STX19: variants seen among roughly 807,000 people sequenced by gnomAD.
STX19 encodes syntaxin-19.
In STX19, 26 loss-of-function variants were observed where a neutral mutation model predicts 24.3. The observed-to-expected ratio is 1.07, with a 90% CI of 0.78 to 1.48. The LOEUF (loss-of-function observed/expected upper bound fraction) is 1.48. STX19 is among the 40% of genes most tolerant of loss of function. The probability of loss-of-function intolerance (pLI) is 0.00; values close to 1 mark genes in which losing one functional copy is unlikely to be tolerated. For missense variants in STX19, 367 were observed against 331.9 expected, an observed-to-expected ratio of 1.11 and a Z score of -0.82; for synonymous variants, 116 against 106.9, an observed-to-expected ratio of 1.09 and a Z score of -0.52.
intron 1 of STX19, among the ~76,000 whole-genome samples, chr3:94,021,012 A>G (rs1181831730): frequency 6.6e-6 from 1 of 152,056 alleles, no homozygotes; most frequent in Non-Finnish European, 1.5e-5. Flanking sequence ...AGAGCTAACC[A>G]AAGCTAGTGT....
At chr3:94,026,904 G>T (rs1323670875) in intron 1 of STX19, among the ~76,000 whole-genome samples, 1 of 152,018 alleles carries the variant, frequency 6.6e-6, no homozygotes, top group South Asian at 2.1e-4. Context: ...TAATCAACTT[G>T]GACAACTTGT....
chr3:94,026,456 G>A (rs2076559859), intron 1 of STX19, among the ~76,000 whole-genome samples: 1 of 151,994 alleles, frequency 6.6e-6, no homozygotes, highest in Admixed American at 6.6e-5. Context: ...TGACTTGATA[G>A]GTACTCAAAT....
chr3:94,022,406 G>A (rs971846721), intron 1 of STX19, among the ~76,000 whole-genome samples: 1 of 152,168 alleles, frequency 6.6e-6, no homozygotes, highest in Non-Finnish European at 1.5e-5. Flanking sequence ...GATTACAGGT[G>A]TGAGCCACCG....
At chr3:94,025,431 C>T (rs1027968825) in intron 1 of STX19, among the ~76,000 whole-genome samples, 1 of 152,016 alleles carries the variant, frequency 6.6e-6, no homozygotes. Context: ...GGATCCTATG[C>T]CTGTATTTCT....
At chr3:94,018,800 C>G (rs548105117) in intron 1 of STX19, among the ~76,000 whole-genome samples, 1 of 152,294 alleles carries the variant, frequency 6.6e-6, no homozygotes, top group Non-Finnish European at 1.5e-5. Flanking sequence ...GAGTCTCACT[C>G]TGTCCCCTAG....
intron 1 of STX19, among the ~76,000 whole-genome samples, chr3:94,019,008 C>T (rs527699795): frequency 7.7e-4 from 117 of 152,256 alleles, no homozygotes; most frequent in African/African-American, 2.8e-3. Context: ...TCAGGCGATC[C>T]GCCCTCTTCG....
At chr3:94,019,428 C>T (rs938883372) in intron 1 of STX19, among the ~76,000 whole-genome samples, 1 of 152,092 alleles carries the variant, frequency 6.6e-6, no homozygotes, top group Admixed American at 6.5e-5. Flanking sequence ...AACTCTTGAC[C>T]TCATGATCCG....
intron 1 of STX19, among the ~76,000 whole-genome samples, chr3:94,027,105 G>A (rs1576008750): frequency 6.6e-6 from 1 of 151,866 alleles, no homozygotes; most frequent in East Asian, 1.9e-4. Flanking sequence ...CATAGTTACT[G>A]TAATGATTAA....
chr3:94,021,933 C>G (rs1327258177), intron 1 of STX19, among the ~76,000 whole-genome samples: 2 of 151,974 alleles, frequency 1.3e-5, no homozygotes, highest in African/African-American at 4.8e-5. Context: ...GTTAACAAGT[C>G]AAGTCATGTC....
At chr3:94,023,271 C>T (rs1410936144) in intron 1 of STX19, among the ~76,000 whole-genome samples, 1 of 152,072 alleles carries the variant, frequency 6.6e-6, no homozygotes, top group East Asian at 1.9e-4. Context: ...GTTACTACAT[C>T]TTCTAGTTTT....
At chr3:94,018,056 A>G (rs566552780) in intron 1 of STX19, among the ~76,000 whole-genome samples, 20 of 152,274 alleles carry the variant, frequency 1.3e-4, no homozygotes, top group Middle Eastern at 3.4e-3. Context: ...TCATTTTGAT[A>G]TGTAATTTAA....
intron 1 of STX19, among the ~76,000 whole-genome samples, chr3:94,018,310 G>T (rs1240840742): frequency 6.6e-6 from 1 of 151,826 alleles, no homozygotes; most frequent in East Asian, 1.9e-4. Flanking sequence ...GGAGTAAATG[G>T]GAACCATCAG....
chr3:94,025,382 G>C lies in STX19; in HGVS notation c.-14+2985C>G, dbSNP rs1473598427. Among the ~76,000 whole-genome samples, 4 of 152,162 alleles carry C rather than the reference G, an allele frequency of 2.6e-5. No homozygotes were observed. The East Asian group carries it at 7.7e-4, about 29-fold the overall frequency. On this transcript the variant is annotated intron_variant, in intron 1 of 1. Coordinates refer to ENST00000315099, the MANE Select transcript of STX19 (RefSeq NM_001001850.3). ...GCGTATTATGTAAACGATGTTTAAAGTGAGCTATAAAGGTTATACTGTGTT... is the reference window on the plus strand; with the variant it reads ...GCGTATTATGTAAACGATGTTTAAACTGAGCTATAAAGGTTATACTGTGTT...
chr3:94,027,552 T>C (rs536222232), intron 1 of STX19, among the ~76,000 whole-genome samples: 2 of 152,208 alleles, frequency 1.3e-5, no homozygotes, highest in East Asian at 1.9e-4. Context: ...GTGAAGATAA[T>C]GTGTTCGAGG....
Position 94,015,146 on chromosome 3 carries a change from C to G in STX19, c.124G>C (p.Glu42Gln). The change falls in exon 2 of 2, where the codon GAA becomes CAA. Residue 42 changes from glutamate to glutamine, a missense_variant. Transcript: ENST00000315099. ...TGTCTCTCAGCTACAGGCTCTCTTT[C>G]ATAAATAACAGCTTGCTGTAGAAAC... Reference protein sequence around the residue: ...GVFLQQAVIYEREPVAERHLH... With the variant: ...GVFLQQAVIYQREPVAERHLH... The G allele has an allele frequency of 6.2e-7, 1 of 1,613,982 alleles. No homozygotes were observed. The highest frequency in any genetic ancestry group is 8.5e-7 in the Non-Finnish European group (1 of 1,179,928).
In STX19 at chr3:94,014,768, G is replaced by C. The variant is rs779676629; in HGVS notation, c.502C>G (p.Arg168Gly). The change falls in exon 2 of 2, where the codon CGT (arginine) becomes GGT (glycine). Residue 168 changes from arginine (R) to glycine (G), a missense_variant. Physicochemically the swap from Arg to Gly is moderately radical, Grantham distance 125. Transcript: ENST00000315099. ...KQEKCKTFIL[R>G]QLEVAGKEMS... The stretch of plus-strand genomic sequence containing the variant: ...TCTTTTCCAGCAACTTCAAGCTGAC[G>C]TAAAATAAATGTCTTGCACTTCTCT... 2.5e-6 allele frequency: 4 copies of C among 1,613,512 alleles called. No homozygotes were observed. The Admixed American group carries it at 6.7e-5, about 27-fold the overall frequency.
chr3:94,021,515 G>T (rs2076448751), intron 1 of STX19, among the ~76,000 whole-genome samples: 1 of 152,096 alleles, frequency 6.6e-6, no homozygotes, highest in African/African-American at 2.4e-5. Flanking sequence ...TAAAATATTT[G>T]ATGCTTATCC....
chr3:94,021,224 C>T (rs1208402362), intron 1 of STX19, among the ~76,000 whole-genome samples: 5 of 150,386 alleles, frequency 3.3e-5, no homozygotes, highest in Admixed American at 6.6e-5. Context: ...GACAGGGTCT[C>T]GCTCTGTTAC....
At chr3:94,024,166 G>A (rs139908093) in intron 1 of STX19, among the ~76,000 whole-genome samples, 25 of 152,112 alleles carry the variant, frequency 1.6e-4, no homozygotes, top group African/African-American at 5.5e-4. Flanking sequence ...AAAGGATCTC[G>A]CTCTTTTGTC....
Sources: gnomAD v4.1 joint callset for allele counts (sites outside exome capture counted in the v4.1 genomes callset) on GRCh38, gnomAD v4.1.1 for gene constraint, MANE v1.5 for transcripts, NCBI Gene and HGNC (gene_info 2026-07-23, HGNC 2026-07-21) for gene names.